Variants in CSMD1 observed in about 807,000 individuals in gnomAD.
The protein encoded by CSMD1 is CUB and Sushi multiple domains 1, also known as CUB and sushi domain-containing protein 1.
CSMD1 carries 213 observed loss-of-function variants against 417.5 expected under a neutral mutation model. The ratio of observed to expected loss-of-function variants is 0.51; its 90% CI spans 0.46 to 0.57. The LOEUF (loss-of-function observed/expected upper bound fraction) is 0.57. Among genes scored for constraint, CSMD1 ranks in the 20% least tolerant of loss-of-function variants. CSMD1 has a pLI of 0.00. For missense variants in CSMD1, 6,923 were observed against 4,529.7 expected, an observed-to-expected ratio of 1.53 and a Z score of -15.17; for synonymous variants, 2,862 against 1,736.8, an observed-to-expected ratio of 1.65 and a Z score of -16.11.
chr8:4,878,368 G>T (rs919582081), intron 1 of CSMD1, among the ~76,000 whole-genome samples: 1 of 152,042 alleles, frequency 6.6e-6, no homozygotes, highest in Non-Finnish European at 1.5e-5. Context: ...TTTGATGGAA[G>T]CCTAAACTAT....
At chr8:3,653,795 C>A (rs941271891) in intron 7 of CSMD1, among the ~76,000 whole-genome samples, 2 of 152,182 alleles carry the variant, frequency 1.3e-5, no homozygotes. Context: ...TAACTCGTGA[C>A]ACAAGTTTAA....
chr8:4,236,436 G>A (rs1266638972), intron 3 of CSMD1, among the ~76,000 whole-genome samples: 1 of 152,186 alleles, frequency 6.6e-6, no homozygotes, highest in Non-Finnish European at 1.5e-5. Flanking sequence ...CCTACACCCC[G>A]GGTAACACTG....
intron 5 of CSMD1, among the ~76,000 whole-genome samples, chr8:3,872,623 A>C (rs1805551158): frequency 6.6e-6 from 1 of 152,082 alleles, no homozygotes; most frequent in African/African-American, 2.4e-5. Flanking sequence ...AGTTTCCACA[A>C]TCCATTCATT....
At chr8:4,663,526 T>C (rs1804734395) in intron 1 of CSMD1, among the ~76,000 whole-genome samples, 1 of 152,136 alleles carries the variant, frequency 6.6e-6, no homozygotes, top group Non-Finnish European at 1.5e-5. Flanking sequence ...GTCCTGATAG[T>C]GCATGCTAGT....
chr8:4,514,004 G>T (rs1342898488), intron 2 of CSMD1, among the ~76,000 whole-genome samples: 1 of 152,160 alleles, frequency 6.6e-6, no homozygotes, highest in East Asian at 1.9e-4. Flanking sequence ...CTCCTCATTT[G>T]TGTTAGTCAG....
chr8:4,124,958 C>T (rs1802679606), intron 3 of CSMD1, among the ~76,000 whole-genome samples: 1 of 152,120 alleles, frequency 6.6e-6, no homozygotes, highest in Admixed American at 6.5e-5. Flanking sequence ...CCCCTTCCAC[C>T]TCTTGGAAGT....
chr8:3,903,185 T>A (rs1175814167), intron 5 of CSMD1, among the ~76,000 whole-genome samples: 1 of 152,124 alleles, frequency 6.6e-6, no homozygotes, highest in Non-Finnish European at 1.5e-5. Flanking sequence ...TATTAAGTGT[T>A]CTTCTTACCC....
At position 3,686,290 on chromosome 8, in the gene CSMD1, C is replaced by T. The variant is rs532224806; in HGVS notation, c.1009+22124G>A. On this transcript the variant is annotated intron_variant, in intron 7 of 69. Coordinates refer to ENST00000635120, the MANE Select transcript of CSMD1 (RefSeq NM_033225.6). ...AGCTAGGAAAGGCAGTGTCAAGAGA[C>T]GTGTCATTGACAGCTAACACTGTGA... Among the ~76,000 whole-genome samples, 7 of 152,228 alleles carry T rather than the reference C, an allele frequency of 4.6e-5. No homozygotes were observed. The South Asian group carries it at 6.2e-4, about 14-fold the overall frequency.
intron 25 of CSMD1, among the ~76,000 whole-genome samples, chr8:3,304,485 T>G (rs1280849896): frequency 2.0e-5 from 3 of 152,160 alleles, no homozygotes; most frequent in Non-Finnish European, 4.4e-5. Context: ...GAAGAGTGGT[T>G]CAATCATCAA....
intron 1 of CSMD1, among the ~76,000 whole-genome samples, chr8:4,831,960 G>T (rs1182487806): frequency 6.6e-6 from 1 of 152,262 alleles, no homozygotes; most frequent in Middle Eastern, 3.4e-3. Context: ...TTGTCTGGGA[G>T]AAAAAGTGAG....
At chr8:4,920,576 C>T (rs935768738) in intron 1 of CSMD1, among the ~76,000 whole-genome samples, 3 of 152,102 alleles carry the variant, frequency 2.0e-5, no homozygotes, top group East Asian at 3.9e-4. Flanking sequence ...AATCCCAGCA[C>T]TTTGGGAGGC....
At chr8:4,148,943 T>A (rs1248727364) in intron 3 of CSMD1, among the ~76,000 whole-genome samples, 1 of 150,166 alleles carries the variant, frequency 6.7e-6, no homozygotes, top group Non-Finnish European at 1.5e-5. Flanking sequence ...TAACTTCACC[T>A]GTAATTAAAC....
rs369901487 is a variant in CSMD1 at position 3,298,856 on chromosome 8, C to T, written c.3950+8839G>A. On this transcript the variant is annotated intron_variant, in intron 25 of 69. Coordinates refer to ENST00000635120, the MANE Select transcript of CSMD1 (RefSeq NM_033225.6). ...TTTGAATAGAGCTCAAAGGTCTATC[C>T]TGAGTCCAGATAATTTTCCCTTTCT... is the stretch of plus-strand genomic sequence containing the variant. Among the ~76,000 whole-genome samples, 46 of 152,302 alleles carry T rather than the reference C, an allele frequency of 3.0e-4. No individual in the cohort carries two copies. The East Asian group carries it at 6.4e-3, about 21-fold the overall frequency.
chr8:4,381,376 G>T lies in CSMD1; in HGVS notation c.415+38577C>A, dbSNP rs141877586. ...CTGGTGACCCTATGACCCTGTGGCTGTAAGAGTAAGCAGGGGTGGAAAACC... is the reference window on the plus strand; with the variant it reads ...CTGGTGACCCTATGACCCTGTGGCTTTAAGAGTAAGCAGGGGTGGAAAACC... On this transcript the variant is annotated intron_variant, in intron 3 of 69. Transcript: ENST00000635120. 1.3e-3 allele frequency among the ~76,000 whole-genome samples: 195 copies of T among 152,218 alleles called. 1 individual carries two copies. Among genetic ancestry groups the T allele is most frequent in the African/African-American group, 4.4e-3 (181 of 41,534 alleles).
intron 5 of CSMD1, among the ~76,000 whole-genome samples, chr8:3,758,509 G>C (rs1400072013): frequency 6.6e-6 from 1 of 152,102 alleles, no homozygotes; most frequent in African/African-American, 2.4e-5. Context: ...CTGTCTACAG[G>C]GCCAGGAGCT....
chr8:4,139,857 G>A lies in CSMD1; in HGVS notation c.416-107758C>T, dbSNP rs546055464. On this transcript the variant is annotated intron_variant, in intron 3 of 69. Coordinates refer to ENST00000635120, the MANE Select transcript of CSMD1 (RefSeq NM_033225.6). The stretch of plus-strand genomic sequence containing the variant: ...AGCAGAAGAACAAAGTGATCAGATG[G>A]AAATTTTAGATCAGCATGTTCATCA... 5.3e-4 allele frequency among the ~76,000 whole-genome samples: 80 copies of A among 151,050 alleles called. No individual in the cohort carries two copies. In the South Asian group the frequency reaches 7.3e-3, roughly 14 times the overall value.
intron 3 of CSMD1, among the ~76,000 whole-genome samples, chr8:4,170,564 G>C (rs1484580311): frequency 9.9e-5 from 15 of 151,942 alleles, no homozygotes; most frequent in Non-Finnish European, 2.1e-4. Context: ...CATGGACAAT[G>C]GATGAAAACC....
At chr8:3,947,233 A>T (rs1316113015) in intron 5 of CSMD1, among the ~76,000 whole-genome samples, 1 of 152,192 alleles carries the variant, frequency 6.6e-6, no homozygotes, top group Non-Finnish European at 1.5e-5. Flanking sequence ...GCTGCATGAT[A>T]AACAGATGCT....
At chr8:4,215,338 C>T (rs946702237) in intron 3 of CSMD1, among the ~76,000 whole-genome samples, 1 of 152,108 alleles carries the variant, frequency 6.6e-6, no homozygotes, top group African/African-American at 2.4e-5. Context: ...TTTTAGATGT[C>T]CACAGATGGC....
Sources: allele counts gnomAD v4.1 joint callset (sites outside exome capture counted in the v4.1 genomes callset), GRCh38; gene constraint gnomAD v4.1.1; transcripts MANE v1.5; gene names NCBI Gene and HGNC (gene_info 2026-07-23, HGNC 2026-07-21).